KCNG2: variants seen among roughly 807,000 people sequenced by gnomAD.
KCNG2 encodes the protein potassium voltage-gated channel modifier subfamily G member 2.
In KCNG2, 7 loss-of-function variants were observed where a neutral mutation model predicts 12.3. The observed-to-expected ratio is 0.57, with a 90% CI of 0.32 to 1.07. The LOEUF (loss-of-function observed/expected upper bound fraction) is 1.07. Ranked by LOEUF, KCNG2 falls within the 50% of genes least tolerant of loss-of-function variation. The probability of loss-of-function intolerance (pLI) is 0.04; values close to 1 mark genes in which losing one functional copy is unlikely to be tolerated. For synonymous variants in KCNG2, 414 were observed against 351.4 expected (o/e 1.18, Z -1.99); for missense variants, 703 against 726.0 (o/e 0.97, Z 0.36).
Position 79,885,809 on chromosome 18 carries a change from A to C in KCNG2, c.625-13231A>C, listed in dbSNP as rs954667853. 6.0e-5 allele frequency among the ~76,000 whole-genome samples: 9 copies of C among 150,058 alleles called. No individual in the cohort carries two copies. The East Asian group carries it at 8.0e-4, about 13-fold the overall frequency. The stretch of plus-strand genomic sequence containing the variant: ...AGGACAGGGAGATGGGGATGGGAAC[A>C]TAGGGACGTGGGGACGGGGACATGG... On this transcript the variant is annotated intron_variant, in intron 3 of 3. Coordinates refer to ENST00000316249, the MANE Select transcript of KCNG2 (RefSeq NM_012283.2).
At position 79,835,019 on chromosome 18, in the gene KCNG2, C is replaced by T. The variant is rs373138191; in HGVS notation, c.-114-21360C>T. 7.9e-5 allele frequency among the ~76,000 whole-genome samples: 12 copies of T among 152,300 alleles called. No homozygotes were observed. The East Asian group carries it at 2.1e-3, about 27-fold the overall frequency. The stretch of plus-strand genomic sequence containing the variant: ...CGGCCACCCATATGGGGAGCAGTAA[C>T]AAGACACACCCACCCCTCCCAGCCA... On this transcript the variant is annotated intron_variant, in intron 1 of 3. Transcript: ENST00000316249.
chr18:79,877,565 C>T (rs1980124032), intron 3 of KCNG2, among the ~76,000 whole-genome samples: 2 of 151,846 alleles, frequency 1.3e-5, no homozygotes, highest in South Asian at 2.1e-4. Flanking sequence ...CCCCCTTGTT[C>T]TCACACCTCC....
At chr18:79,874,862 T>G (rs1052086508) in intron 3 of KCNG2, among the ~76,000 whole-genome samples, 1 of 152,194 alleles carries the variant, frequency 6.6e-6, no homozygotes, top group African/African-American at 2.4e-5. Flanking sequence ...AGGCCGGGAC[T>G]TCAGGCTTCC....
intron 1 of KCNG2, among the ~76,000 whole-genome samples, chr18:79,849,155 C>G (rs1009417431): frequency 2.0e-5 from 3 of 152,200 alleles, no homozygotes; most frequent in Non-Finnish European, 4.4e-5. Flanking sequence ...TTCAGTCAGC[C>G]TCCCTTAGAG....
intron 1 of KCNG2, among the ~76,000 whole-genome samples, chr18:79,830,630 C>T (rs1045743289): frequency 1.4e-4 from 21 of 152,250 alleles, no homozygotes; most frequent in Non-Finnish European, 2.8e-4. Flanking sequence ...CGAAGAGACT[C>T]CCGAGTGATG....
chr18:79,830,736 C>T (rs668176), intron 1 of KCNG2, among the ~76,000 whole-genome samples: 72,466 of 121,896 alleles, frequency 0.59, 20,388 homozygotes, highest in East Asian at 0.79. Flanking sequence ...ACAGAGCCTT[C>T]GTCAGGAGGG....
Position 79,884,960 on chromosome 18 carries a change from A to G in KCNG2, c.625-14080A>G, listed in dbSNP as rs1980467050. 6.6e-6 allele frequency among the ~76,000 whole-genome samples: 1 copy of G among 152,106 alleles called. No homozygotes were observed. The highest frequency in any genetic ancestry group is 1.5e-5 in the Non-Finnish European group (1 of 68,006). ...GCTGGGAAGCCCACACTGATCTCTGAGTGTGCGGTCCACTTTCCCTCCCCA... is the reference window on the plus strand; with the variant it reads ...GCTGGGAAGCCCACACTGATCTCTGGGTGTGCGGTCCACTTTCCCTCCCCA... On this transcript the variant is annotated intron_variant, in intron 3 of 3. Coordinates refer to ENST00000316249, the MANE Select transcript of KCNG2 (RefSeq NM_012283.2). This position sits in a 1 kb window ranked among gnomAD's most constrained non-coding sequence, Gnocchi z 5.5.
At chr18:79,831,910 C>T (rs138846592) in intron 1 of KCNG2, among the ~76,000 whole-genome samples, 111 of 152,340 alleles carry the variant, frequency 7.3e-4, no homozygotes, top group African/African-American at 2.6e-3. Flanking sequence ...GCAGCACTCA[C>T]ATCCCAGCTT....
intron 1 of KCNG2, among the ~76,000 whole-genome samples, chr18:79,823,689 G>A (rs1482125363): frequency 6.6e-6 from 1 of 152,084 alleles, no homozygotes. Flanking sequence ...TGCTATATGA[G>A]TTTTTCCCCT....
At chr18:79,821,286 ATTTTTT>A (rs34251835) in intron 1 of KCNG2, among the ~76,000 whole-genome samples, 1 of 101,840 alleles carries the variant, frequency 9.8e-6, no homozygotes, top group African/African-American at 3.8e-5. Context: ...TTTTACTTGA[ATTTTTT>A]TTTTTTTTTT....
chr18:79,878,815 C>T lies in KCNG2; in HGVS notation c.624+14524C>T, dbSNP rs535857086. Reference sequence around the variant, plus strand: ...GGATACAGTGACCGATGGGCGCTTTCCGCACGAAGGAAGATGGTGGCCGTG... The same window carrying T: ...GGATACAGTGACCGATGGGCGCTTTTCGCACGAAGGAAGATGGTGGCCGTG... On this transcript the variant is annotated intron_variant, in intron 3 of 3. Transcript: ENST00000316249. 1.2e-4 allele frequency among the ~76,000 whole-genome samples: 18 copies of T among 152,346 alleles called. No homozygotes were observed. The South Asian group carries it at 3.7e-3, about 32-fold the overall frequency.
At chr18:79,866,357 G>A (rs1358027939) in intron 3 of KCNG2, among the ~76,000 whole-genome samples, 3 of 95,476 alleles carry the variant, frequency 3.1e-5, no homozygotes, top group Admixed American at 1.1e-4. Flanking sequence ...AGGTCTGTGT[G>A]CTGAGGTCTG....
At position 79,899,604 on chromosome 18, in the gene KCNG2, A is replaced by T. The variant is rs1312608330; in HGVS notation, c.1189A>T (p.Met397Leu). 1 of 1,599,554 alleles carries T rather than the reference A, an allele frequency of 6.3e-7. No individual in the cohort carries two copies. The highest frequency in any genetic ancestry group is 8.5e-7 in the Non-Finnish European group (1 of 1,172,338). The change falls in exon 4 of 4, where the codon ATG (methionine) becomes TTG (leucine). Residue 397 changes from methionine (M) to leucine (L), a missense_variant. Coordinates refer to ENST00000316249, the MANE Select transcript of KCNG2 (RefSeq NM_012283.2). ...LSSILSGILL[M>L]AFPVTSIFHT... ...CAGCATCCTCAGCGGCATCCTGCTC[A>T]TGGCCTTCCCGGTCACCTCCATCTT...
intron 3 of KCNG2, among the ~76,000 whole-genome samples, chr18:79,892,080 A>G (rs893325369): frequency 2.0e-5 from 3 of 149,598 alleles, no homozygotes; most frequent in African/African-American, 7.4e-5. Context: ...GCAACACTGC[A>G]CTCCAGCCTG....
At chr18:79,827,927 C>CTTTTTTTTTT (rs55913813) in intron 1 of KCNG2, among the ~76,000 whole-genome samples, 1 of 141,116 alleles carries the variant, frequency 7.1e-6, no homozygotes. Context: ...TTCTTTCTTT[C>CTTTTTTTTTT]TTTTTTTTTT....
chr18:79,859,375 C>T (rs1979133611), intron 2 of KCNG2, among the ~76,000 whole-genome samples: 1 of 152,216 alleles, frequency 6.6e-6, no homozygotes, highest in Non-Finnish European at 1.5e-5. Flanking sequence ...CAAGATCAGG[C>T]ATCTGCATCT....
At chr18:79,845,951 C>A (rs540228353) in intron 1 of KCNG2, among the ~76,000 whole-genome samples, 2 of 151,964 alleles carry the variant, frequency 1.3e-5, no homozygotes, top group Non-Finnish European at 2.9e-5. Context: ...ATTAGCCAGG[C>A]GTAGTGGCGG....
intron 2 of KCNG2, 112 bp from the exon 3 acceptor site, chr18:79,863,516 T>C: frequency 1.1e-6 from 1 of 872,172 alleles, no homozygotes; most frequent in Non-Finnish European, 1.5e-6. Context: ...CGGAGGGGTC[T>C]CCGAGCTCAC....
intron 1 of KCNG2, among the ~76,000 whole-genome samples, chr18:79,830,188 A>G (rs1978291687): frequency 6.6e-6 from 1 of 152,132 alleles, no homozygotes; most frequent in South Asian, 2.1e-4. Flanking sequence ...TTGTGAGAAG[A>G]CGAATCGTGT....
Sources: allele counts gnomAD v4.1 joint callset (sites outside exome capture counted in the v4.1 genomes callset), GRCh38; gene constraint gnomAD v4.1.1; non-coding constraint Gnocchi (gnomAD v3.1); transcripts MANE v1.5; gene names NCBI Gene and HGNC (gene_info 2026-07-23, HGNC 2026-07-21).